IMMP2L: variants seen among roughly 807,000 people sequenced by gnomAD.
IMMP2L encodes mitochondrial inner membrane protease subunit 2.
IMMP2L carries 18 observed loss-of-function variants against 19.3 expected under a neutral mutation model. The observed-to-expected ratio is 0.93, with a 90% CI of 0.64 to 1.38. The LOEUF (loss-of-function observed/expected upper bound fraction) is 1.38, where lower values mean the gene tolerates loss of function less well. Among genes scored for constraint, IMMP2L ranks in the 40% most tolerant of loss-of-function variants. IMMP2L has a pLI of 0.00. For synonymous variants in IMMP2L, 76 were observed against 73.0 expected (o/e 1.04, Z -0.21); for missense variants, 233 against 218.2 (o/e 1.07, Z -0.43).
At chr7:111,150,071 C>T (rs1252643447) in intron 3 of IMMP2L, among the ~76,000 whole-genome samples, 1 of 152,052 alleles carries the variant, frequency 6.6e-6, no homozygotes, top group Non-Finnish European at 1.5e-5. Flanking sequence ...GTCATGTCTG[C>T]CTTTATTATG....
intron 5 of IMMP2L, among the ~76,000 whole-genome samples, chr7:110,791,696 CT>C (rs1172357031): frequency 1.3e-5 from 2 of 151,746 alleles, no homozygotes; most frequent in African/African-American, 4.9e-5. Context: ...AGTAAGCCCC[CT>C]AATACCTTCT....
chr7:111,081,269 A>G (rs1795868095), intron 3 of IMMP2L, among the ~76,000 whole-genome samples: 1 of 152,210 alleles, frequency 6.6e-6, no homozygotes, highest in Non-Finnish European at 1.5e-5. Context: ...TAAAAATGCG[A>G]GACTGCCAAT....
chr7:111,241,130 G>A (rs372190612), intron 3 of IMMP2L, among the ~76,000 whole-genome samples: 1 of 151,652 alleles, frequency 6.6e-6, no homozygotes, highest in South Asian at 2.1e-4. Flanking sequence ...CTTAATTTAC[G>A]TTTAAATCTT....
intron 5 of IMMP2L, among the ~76,000 whole-genome samples, chr7:110,791,518 AT>A (rs5886576): frequency 0.96 from 145,616 of 151,680 alleles, 69,987 homozygotes; most frequent in East Asian, 0.98. Flanking sequence ...AATCCTTTAG[AT>A]TTTTATCCTA....
At chr7:110,696,007 T>C (rs554658267) in intron 5 of IMMP2L, among the ~76,000 whole-genome samples, 2 of 152,260 alleles carry the variant, frequency 1.3e-5, no homozygotes, top group African/African-American at 4.8e-5. Context: ...TCAGGATCAT[T>C]CAGAAGAAAG....
intron 3 of IMMP2L, chr7:111,124,151 C>T (rs1382441169): frequency 1.9e-6 from 3 of 1,613,926 alleles, no homozygotes; most frequent in South Asian, 2.2e-5. Context: ...ATAACACCTT[C>T]TGGTCAAAAA....
chr7:110,961,767 C>T (rs1324473857), intron 4 of IMMP2L, among the ~76,000 whole-genome samples: 17 of 151,600 alleles, frequency 1.1e-4, no homozygotes, highest in Non-Finnish European at 7.4e-5. Flanking sequence ...TATAGAGAAA[C>T]CTAAAAAACA....
At chr7:111,177,846 C>A (rs1254537636) in intron 3 of IMMP2L, among the ~76,000 whole-genome samples, 2 of 152,032 alleles carry the variant, frequency 1.3e-5, no homozygotes, top group African/African-American at 4.8e-5. Flanking sequence ...AGAGTGGGAA[C>A]AGCTTACAAG....
intron 5 of IMMP2L, among the ~76,000 whole-genome samples, chr7:110,680,013 T>G (rs4305834): frequency 0.41 from 62,798 of 152,038 alleles, 15,986 homozygotes; most frequent in East Asian, 0.75. Flanking sequence ...CAGGACACTC[T>G]AAGTATCATA....
At chr7:111,098,823 G>C (rs1023320592) in intron 3 of IMMP2L, among the ~76,000 whole-genome samples, 1 of 151,708 alleles carries the variant, frequency 6.6e-6, no homozygotes, top group Non-Finnish European at 1.5e-5. Flanking sequence ...ACAAGCCTTT[G>C]TGCATGAGGC....
Position 111,213,649 on chromosome 7 carries a change from C to T in IMMP2L, c.240-250084G>A, listed in dbSNP as rs1562933325. On this transcript the variant is annotated intron_variant, in intron 3 of 5. Transcript: ENST00000405709. The surrounding 1 kb of genome is among the most constrained non-coding windows in gnomAD (Gnocchi z 4.8). ...CCAGACTCACCCAGACTCAAGAAAT[C>T]GATGGAACCACTAGCTGTAGGGAGG... is the stretch of plus-strand genomic sequence containing the variant. Among the ~76,000 whole-genome samples, 2 of 152,088 alleles carry T rather than the reference C, an allele frequency of 1.3e-5. No homozygotes were observed. Among genetic ancestry groups the T allele is most frequent in the Non-Finnish European group, 2.9e-5 (2 of 67,982 alleles).
chr7:110,950,860 A>ATG (rs1817745915), intron 4 of IMMP2L, among the ~76,000 whole-genome samples: 2 of 138,810 alleles, frequency 1.4e-5, no homozygotes, highest in South Asian at 2.2e-4. Context: ...ATATATATAT[A>ATG]TATATATATA....
chr7:111,508,200 G>A (rs1031084108), intron 2 of IMMP2L, among the ~76,000 whole-genome samples: 4 of 151,102 alleles, frequency 2.6e-5, no homozygotes, highest in African/African-American at 9.7e-5. Context: ...AAAATTCACT[G>A]ACAAAAAAAT....
intron 3 of IMMP2L, among the ~76,000 whole-genome samples, chr7:111,258,245 A>C (rs1816940900): frequency 6.6e-6 from 1 of 152,168 alleles, no homozygotes. Flanking sequence ...GCAATACATT[A>C]AAAGATTAGT....
intron 3 of IMMP2L, among the ~76,000 whole-genome samples, chr7:111,119,495 T>C (rs1303424556): frequency 2.0e-5 from 3 of 152,218 alleles, no homozygotes; most frequent in Admixed American, 6.5e-5. Context: ...ACAGATATAA[T>C]AGATTAACTT....
intron 3 of IMMP2L, among the ~76,000 whole-genome samples, chr7:111,235,696 G>A (rs1452542618): frequency 2.0e-5 from 3 of 151,202 alleles, no homozygotes; most frequent in Admixed American, 6.6e-5. Context: ...TTGTGCTTGG[G>A]GTTTTTTTAG....
intron 3 of IMMP2L, among the ~76,000 whole-genome samples, chr7:111,073,615 C>T (rs532499027): frequency 1.2e-3 from 177 of 152,132 alleles, no homozygotes; most frequent in Non-Finnish European, 1.9e-3. Flanking sequence ...CTTGCCAGTG[C>T]CAGATTATTC....
At chr7:111,215,875 T>C (rs1294757048) in intron 3 of IMMP2L, among the ~76,000 whole-genome samples, 1 of 152,164 alleles carries the variant, frequency 6.6e-6, no homozygotes, top group East Asian at 1.9e-4. Context: ...ACCAGGCTGT[T>C]AGAATTTGTA....
At chr7:110,714,874 C>T (rs1795137657) in intron 5 of IMMP2L, among the ~76,000 whole-genome samples, 1 of 152,086 alleles carries the variant, frequency 6.6e-6, no homozygotes, top group Non-Finnish European at 1.5e-5. Flanking sequence ...GGATTACAGG[C>T]GTGAACCACT....
Sources: allele counts gnomAD v4.1 joint callset (sites outside exome capture counted in the v4.1 genomes callset), GRCh38; gene constraint gnomAD v4.1.1; non-coding constraint Gnocchi (gnomAD v3.1); transcripts MANE v1.5; gene names NCBI Gene and HGNC (gene_info 2026-07-23, HGNC 2026-07-21).